The following FAM178B variants were observed in gnomAD, a reference collection of about 807,000 sequenced individuals.
The protein encoded by FAM178B is protein FAM178B.
A neutral mutation model predicts 91.7 loss-of-function variants in FAM178B; 82 were observed. The observed-to-expected ratio is 0.89, with a 90% CI of 0.75 to 1.07. The LOEUF is 1.07. Ranked by LOEUF, FAM178B falls within the 50% of genes least tolerant of loss-of-function variation. The pLI, the probability that FAM178B is intolerant of heterozygous loss-of-function variation, is 0.00. For synonymous variants in FAM178B, 368 were observed against 359.4 expected (o/e 1.02, Z -0.27); for missense variants, 769 against 846.7 (o/e 0.91, Z 1.14).
chr2:96,911,997 C>T (rs1203836322), intron 12 of FAM178B, among the ~76,000 whole-genome samples: 2 of 152,118 alleles, frequency 1.3e-5, no homozygotes, highest in Non-Finnish European at 2.9e-5. Flanking sequence ...GCTGAGGCCT[C>T]GGGTGCAGAT....
At chr2:96,982,735 ATTTTT>A (rs58540459) in intron 1 of FAM178B, among the ~76,000 whole-genome samples, 1 of 52,238 alleles carries the variant, frequency 1.9e-5, no homozygotes, top group South Asian at 8.3e-4. Context: ...TGCCCAGCTA[ATTTTT>A]TTTTTTTTTT....
rs1279576447 is a variant in FAM178B at position 96,876,230 on chromosome 2, C to A, written c.*46G>T. 1.1e-5 allele frequency: 17 copies of A among 1,587,890 alleles called. No homozygotes were observed. Among genetic ancestry groups the A allele is most frequent in the Non-Finnish European group, 1.4e-5 (16 of 1,163,978 alleles). ...TCCTCCAGTTCCCTGAGCCTGTTCA[C>A]TTCCTGCTGAAGCCAGGAGCCCTGG... On this transcript the variant is annotated 3_prime_UTR_variant, in exon 17 of 17. Transcript: ENST00000490605.
intron 14 of FAM178B, among the ~76,000 whole-genome samples, chr2:96,891,780 G>A (rs568630526): frequency 6.6e-6 from 1 of 152,326 alleles, no homozygotes; most frequent in Non-Finnish European, 1.5e-5. Context: ...GAGGAGGGCT[G>A]TGACCCAGCC....
At chr2:96,919,272 G>A (rs1257231706) in intron 12 of FAM178B, among the ~76,000 whole-genome samples, 2 of 152,210 alleles carry the variant, frequency 1.3e-5, no homozygotes, top group Non-Finnish European at 2.9e-5. Flanking sequence ...TGAGAAACTG[G>A]CTGGACGAGG....
At chr2:96,936,903 G>GATTC (rs2081642120) in intron 8 of FAM178B, among the ~76,000 whole-genome samples, 1 of 152,086 alleles carries the variant, frequency 6.6e-6, no homozygotes, top group African/African-American at 2.4e-5. Flanking sequence ...TGGAAGGGAT[G>GATTC]ATGGTGGTTG....
intron 13 of FAM178B, among the ~76,000 whole-genome samples, chr2:96,896,520 C>T (rs1574209149): frequency 6.6e-6 from 1 of 152,168 alleles, no homozygotes; most frequent in Non-Finnish European, 1.5e-5. Flanking sequence ...TACAAACACT[C>T]GGCCGCTTAG....
intron 1 of FAM178B, 77 bp downstream of exon 1, chr2:96,986,164 A>T (rs1435568490): frequency 6.5e-7 from 1 of 1,528,562 alleles, no homozygotes; most frequent in Non-Finnish European, 8.7e-7. Context: ...TGGACCAGCC[A>T]GGAGTCCCAG....
chr2:96,971,823 G>T, intron 3 of FAM178B, 78 bp downstream of exon 3: 1 of 1,332,390 alleles, frequency 7.5e-7, no homozygotes, highest in Non-Finnish European at 1.0e-6. Flanking sequence ...TCAGGAGAGG[G>T]TGGCCTGGGG....
chr2:96,960,129 T>C (rs2082058768), intron 6 of FAM178B, among the ~76,000 whole-genome samples, 159 bp downstream of exon 6: 1 of 152,260 alleles, frequency 6.6e-6, no homozygotes. Flanking sequence ...ATACTGTAAG[T>C]AGACAATGTC....
intron 6 of FAM178B, among the ~76,000 whole-genome samples, chr2:96,958,017 A>G (rs2082024231): frequency 1.3e-5 from 2 of 151,858 alleles, no homozygotes; most frequent in South Asian, 4.2e-4. Context: ...TTAACATTTT[A>G]TCATCTAATT....
At chr2:96,968,906 A>G (rs921302629) in intron 4 of FAM178B, among the ~76,000 whole-genome samples, 11 of 152,126 alleles carry the variant, frequency 7.2e-5, no homozygotes, top group Non-Finnish European at 1.2e-4. Flanking sequence ...TCGCCCCTCC[A>G]ACCCCTCTGC....
At chr2:96,883,309 T>A (rs1180363575) in intron 14 of FAM178B, among the ~76,000 whole-genome samples, 1 of 152,212 alleles carries the variant, frequency 6.6e-6, no homozygotes, top group Non-Finnish European at 1.5e-5. Context: ...AGGAACTTCA[T>A]CCTTTAGAAA....
intron 12 of FAM178B, among the ~76,000 whole-genome samples, chr2:96,909,151 A>G (rs2081107805): frequency 8.5e-6 from 1 of 118,154 alleles, no homozygotes; most frequent in Admixed American, 8.5e-5. Flanking sequence ...TCAAAAAAAA[A>G]AAAAAAAAAG....
At chr2:96,978,440 G>A (rs562041507) in intron 1 of FAM178B, among the ~76,000 whole-genome samples, 17 of 152,132 alleles carry the variant, frequency 1.1e-4, no homozygotes, top group East Asian at 5.8e-4. Context: ...TCCTCACCCC[G>A]CTTTCAACCT....
At chr2:96,910,437 G>C (rs975329377) in intron 12 of FAM178B, among the ~76,000 whole-genome samples, 1 of 152,160 alleles carries the variant, frequency 6.6e-6, no homozygotes, top group East Asian at 1.9e-4. Flanking sequence ...ATGAAAAACT[G>C]TTCTCCTTGA....
At chr2:96,923,631 C>G (rs1272668888) in intron 9 of FAM178B, 48 bp from the exon 10 acceptor site, 1 of 1,461,670 alleles carries the variant, frequency 6.8e-7, no homozygotes, top group Admixed American at 2.0e-5. Context: ...GGAGGGGGCA[C>G]AGGGGCAGGA....
chr2:96,889,658 A>T (rs1362853693), intron 14 of FAM178B, among the ~76,000 whole-genome samples: 2 of 151,128 alleles, frequency 1.3e-5, no homozygotes, highest in African/African-American at 4.9e-5. Flanking sequence ...AGCCTGGGTG[A>T]CAGAGCAAGA....
chr2:96,916,033 CG>C (rs2081236105), intron 12 of FAM178B, among the ~76,000 whole-genome samples: 1 of 152,172 alleles, frequency 6.6e-6, no homozygotes, highest in Non-Finnish European at 1.5e-5. Flanking sequence ...CTCCGTAGCA[CG>C]GGCAGAACTG....
At chr2:96,980,710 T>C (rs1267550027) in intron 1 of FAM178B, among the ~76,000 whole-genome samples, 1 of 152,166 alleles carries the variant, frequency 6.6e-6, no homozygotes. Context: ...CCTCCTTGCA[T>C]TTTTTAATTT....
Sources: allele counts gnomAD v4.1 joint callset (sites outside exome capture counted in the v4.1 genomes callset), GRCh38; gene constraint gnomAD v4.1.1; transcripts MANE v1.5; gene names NCBI Gene and HGNC (gene_info 2026-07-23, HGNC 2026-07-21).